Variants in CSMD1 observed in about 807,000 individuals in gnomAD.
The protein encoded by CSMD1 is CUB and Sushi multiple domains 1, also known as CUB and sushi domain-containing protein 1.
In CSMD1, 213 loss-of-function variants were observed where a neutral mutation model predicts 417.5. The observed-to-expected ratio is 0.51, with a 90% CI of 0.46 to 0.57. CSMD1 has a LOEUF of 0.57. CSMD1 is among the 20% of genes least tolerant of loss of function. The pLI is 0.00. For missense variants in CSMD1, 6,923 were observed against 4,529.7 expected (o/e 1.53, Z -15.17); for synonymous variants, 2,862 against 1,736.8 (o/e 1.65, Z -16.11).
chr8:4,117,392 C>G (rs996254833), intron 3 of CSMD1, among the ~76,000 whole-genome samples: 3 of 151,202 alleles, frequency 2.0e-5, no homozygotes, highest in Non-Finnish European at 4.4e-5. Flanking sequence ...AAGGAGCTCC[C>G]AAGCTGAACC....
At chr8:3,524,054 C>G (rs1797642451) in intron 10 of CSMD1, among the ~76,000 whole-genome samples, 1 of 133,138 alleles carries the variant, frequency 7.5e-6, no homozygotes, top group South Asian at 2.3e-4. Context: ...GAGACACGTG[C>G]ACACACATGC....
intron 3 of CSMD1, among the ~76,000 whole-genome samples, chr8:4,097,795 A>G (rs1417279870): frequency 1.3e-5 from 2 of 152,232 alleles, no homozygotes; most frequent in African/African-American, 2.4e-5. Context: ...TAGCATGATT[A>G]CAAATGCTGT....
chr8:4,375,636 G>C (rs1396724631), intron 3 of CSMD1, among the ~76,000 whole-genome samples: 1 of 152,186 alleles, frequency 6.6e-6, no homozygotes, highest in South Asian at 2.1e-4. Context: ...TGTGGCTGTG[G>C]GATGGTCGCG....
intron 3 of CSMD1, among the ~76,000 whole-genome samples, chr8:4,106,145 T>C (rs1225922220): frequency 6.6e-6 from 1 of 152,094 alleles, no homozygotes; most frequent in Non-Finnish European, 1.5e-5. Flanking sequence ...TTATTACATG[T>C]TTCTCTGGTG....
At chr8:3,466,725 G>A (rs536206578) in intron 12 of CSMD1, among the ~76,000 whole-genome samples, 15 of 151,772 alleles carry the variant, frequency 9.9e-5, no homozygotes, top group Admixed American at 5.3e-4. Context: ...CCCCCTGCCC[G>A]GGCTGTTTTC....
At chr8:4,259,522 G>A (rs1040714030) in intron 3 of CSMD1, among the ~76,000 whole-genome samples, 1 of 119,612 alleles carries the variant, frequency 8.4e-6, no homozygotes, top group Non-Finnish European at 1.8e-5. Context: ...AACAAAGTTC[G>A]AGTTTTTAAA....
At chr8:3,611,810 T>A (rs570902651) in intron 8 of CSMD1, among the ~76,000 whole-genome samples, 1 of 152,040 alleles carries the variant, frequency 6.6e-6, no homozygotes, top group Non-Finnish European at 1.5e-5. Context: ...GACCAATGTA[T>A]GAGGTACAAA....
intron 2 of CSMD1, among the ~76,000 whole-genome samples, chr8:4,510,747 TCTTCCCTC>T (rs1219859484): frequency 7.8e-6 from 1 of 128,124 alleles, no homozygotes; most frequent in Admixed American, 8.0e-5. Context: ...CTTCCTTCCC[TCTTCCCTC>T]CTTCCCTCCT....
chr8:4,908,804 T>C (rs1374471552), intron 1 of CSMD1, among the ~76,000 whole-genome samples: 1 of 152,186 alleles, frequency 6.6e-6, no homozygotes, highest in Non-Finnish European at 1.5e-5. Flanking sequence ...TTACATGTTG[T>C]CTACTTTTCC....
chr8:4,923,682 G>A (rs1479588882), intron 1 of CSMD1, among the ~76,000 whole-genome samples: 1 of 152,098 alleles, frequency 6.6e-6, no homozygotes, highest in South Asian at 2.1e-4. Context: ...TATCCACGGA[G>A]AGCACTCAGT....
At chr8:3,146,565 G>T (rs1168582331) in intron 40 of CSMD1, among the ~76,000 whole-genome samples, 1 of 152,144 alleles carries the variant, frequency 6.6e-6, no homozygotes, top group Non-Finnish European at 1.5e-5. Context: ...TTTCTACTCA[G>T]CTAAACTCAG....
intron 26 of CSMD1, among the ~76,000 whole-genome samples, chr8:3,237,185 AG>A (rs1395206226): frequency 6.6e-6 from 1 of 151,708 alleles, no homozygotes; most frequent in East Asian, 1.9e-4. Flanking sequence ...ACAACTTTGC[AG>A]GCCGGGTGCG....
intron 3 of CSMD1, among the ~76,000 whole-genome samples, chr8:4,121,445 G>A (rs960581207): frequency 1.3e-5 from 2 of 152,082 alleles, no homozygotes; most frequent in Non-Finnish European, 2.9e-5. Flanking sequence ...CACCACACCG[G>A]TCAAGGGCTT....
chr8:3,128,968 A>T (rs1817652962), intron 41 of CSMD1: 1 of 422,976 alleles, frequency 2.4e-6, no homozygotes, highest in African/African-American at 2.1e-5. Context: ...GCTGCGTGAC[A>T]AACAATACTA....
At chr8:3,748,502 C>A (rs1797165909) in intron 6 of CSMD1, among the ~76,000 whole-genome samples, 1 of 152,138 alleles carries the variant, frequency 6.6e-6, no homozygotes, top group Non-Finnish European at 1.5e-5. Flanking sequence ...TTCCTCCATT[C>A]CTTCCGCTAA....
intron 3 of CSMD1, among the ~76,000 whole-genome samples, chr8:4,046,630 T>C (rs1486300395): frequency 6.6e-6 from 1 of 152,014 alleles, no homozygotes; most frequent in Admixed American, 6.6e-5. Flanking sequence ...AATTCCATCA[T>C]AACAAACAAC....
intron 3 of CSMD1, among the ~76,000 whole-genome samples, chr8:4,296,067 A>G (rs1797665254): frequency 6.6e-6 from 1 of 152,112 alleles, no homozygotes; most frequent in African/African-American, 2.4e-5. Context: ...GGAGCCCTTA[A>G]AATGATGTGC....
At chr8:4,235,838 G>A (rs1167957073) in intron 3 of CSMD1, among the ~76,000 whole-genome samples, 1 of 152,130 alleles carries the variant, frequency 6.6e-6, no homozygotes, top group Non-Finnish European at 1.5e-5. Context: ...GAGGAGAGGA[G>A]ACATCCTGCC....
chr8:4,310,500 C>G (rs1016857259), intron 3 of CSMD1, among the ~76,000 whole-genome samples: 4 of 142,406 alleles, frequency 2.8e-5, no homozygotes, highest in Non-Finnish European at 6.1e-5. Context: ...TAATTTGAAA[C>G]TTCTTTTCTT....
Sources: gnomAD v4.1 joint callset for allele counts (sites outside exome capture counted in the v4.1 genomes callset) on GRCh38, gnomAD v4.1.1 for gene constraint, MANE v1.5 for transcripts, NCBI Gene and HGNC (gene_info 2026-07-23, HGNC 2026-07-21) for gene names.